TNRC6A: variants seen among roughly 807,000 people sequenced by gnomAD.
TNRC6A encodes trinucleotide repeat-containing gene 6A protein.
TNRC6A carries 44 observed loss-of-function variants against 221.2 expected under a neutral mutation model. The ratio of observed to expected loss-of-function variants is 0.20; its 90% CI spans 0.16 to 0.26. TNRC6A has a LOEUF of 0.26. Among genes scored for constraint, TNRC6A ranks in the 10% least tolerant of loss-of-function variants. The probability of loss-of-function intolerance (pLI) is 1.00; values close to 1 mark genes in which losing one functional copy is unlikely to be tolerated. For synonymous variants in TNRC6A, 847 were observed against 838.5 expected (o/e 1.01, Z -0.18); for missense variants, 2,199 against 2,404.4 (o/e 0.91, Z 1.79).
At chr16:24,658,308 C>A (rs1022476285) in intron 2 of TNRC6A, among the ~76,000 whole-genome samples, 1 of 152,126 alleles carries the variant, frequency 6.6e-6, no homozygotes, top group African/African-American at 2.4e-5. Flanking sequence ...AGGTACAAAG[C>A]CATTTCATTT....
intron 23 of TNRC6A, among the ~76,000 whole-genome samples, chr16:24,822,639 G>A (rs888813941): frequency 5.9e-5 from 9 of 152,144 alleles, no homozygotes; most frequent in Non-Finnish European, 4.4e-5. Flanking sequence ...AGCCACAGTG[G>A]GGATCTGGGG....
intron 21 of TNRC6A, chr16:24,819,724 AGTTGGGGC>A: frequency 4.7e-6 from 1 of 213,724 alleles, no homozygotes; most frequent in South Asian, 7.3e-5. Context: ...GCAGCTCCTG[AGTTGGGGC>A]TCTTTTGCAG....
chr16:24,775,580 A>T (rs2057702045), intron 4 of TNRC6A, among the ~76,000 whole-genome samples: 1 of 152,242 alleles, frequency 6.6e-6, no homozygotes, highest in African/African-American at 2.4e-5. Context: ...CAAGGCTTTA[A>T]TGACATTGTC....
chr16:24,741,489 G>T lies in TNRC6A; in HGVS notation c.54-9237G>T, dbSNP rs555353751. Among the ~76,000 whole-genome samples, 4 of 152,248 alleles carry T rather than the reference G, an allele frequency of 2.6e-5. No homozygotes were observed. In the South Asian group the frequency reaches 8.3e-4, roughly 32 times the overall value. ...ATCTGGGATAAATCCACTTTGTGTA[G>T]TCCTGTTTGTTGCTAGATTTGGTTT... On this transcript the variant is annotated intron_variant, in intron 2 of 24. Transcript: ENST00000395799.
At chr16:24,626,248 C>G (rs1567307326) in intron 1 of TNRC6A, among the ~76,000 whole-genome samples, 1 of 151,984 alleles carries the variant, frequency 6.6e-6, no homozygotes, top group Non-Finnish European at 1.5e-5. Flanking sequence ...TTCAGAATCG[C>G]AAATCTAGTG....
At chr16:24,710,980 A>T (rs1006729482) in intron 2 of TNRC6A, among the ~76,000 whole-genome samples, 16 of 151,520 alleles carry the variant, frequency 1.1e-4, no homozygotes, top group African/African-American at 3.9e-4. Context: ...GGTTCAAGGG[A>T]TTCTCCTGCC....
intron 2 of TNRC6A, among the ~76,000 whole-genome samples, chr16:24,735,292 GAA>G (rs990615634): frequency 6.6e-6 from 1 of 152,136 alleles, no homozygotes; most frequent in African/African-American, 2.4e-5. Context: ...AGAAAGAAAA[GAA>G]ATGACTAGGA....
chr16:24,760,048 A>G (rs182405438), intron 4 of TNRC6A, among the ~76,000 whole-genome samples: 38 of 152,188 alleles, frequency 2.5e-4, no homozygotes, highest in Non-Finnish European at 7.4e-5. Context: ...CAAGGCCCTC[A>G]TTAATCTAAC....
intron 2 of TNRC6A, among the ~76,000 whole-genome samples, chr16:24,734,538 C>T (rs1024372445): frequency 3.3e-5 from 5 of 152,192 alleles, no homozygotes; most frequent in African/African-American, 1.2e-4. Context: ...AGCCAGCATT[C>T]TGACTTCTTC....
rs200481091 is a variant in TNRC6A at position 24,789,757 on chromosome 16, T to C, written c.1115T>C (p.Val372Ala). Reference sequence around the variant, plus strand: ...GCTAGCAACCATGGTGCCTGGCCAGTATTAGAGAACAATGGACTTGCCCTA... The same window carrying C: ...GCTAGCAACCATGGTGCCTGGCCAGCATTAGAGAACAATGGACTTGCCCTA... ...NSASNHGAWPVLENNGLALKG... is the reference protein window; with the variant it reads ...NSASNHGAWPALENNGLALKG... Residue 372 changes from valine to alanine, a missense_variant, in exon 6 of 25, where the codon GTA becomes GCA. By Grantham distance (64) the Val-to-Ala change is moderately conservative (BLOSUM62 0). Transcript: ENST00000395799. The C allele has an allele frequency of 1.9e-4, 305 of 1,614,114 alleles. 1 individual carries two copies. The highest frequency in any genetic ancestry group is 3.3e-4 in the Middle Eastern group (2 of 6,082).
At chr16:24,703,384 CT>C (rs764026141) in intron 2 of TNRC6A, among the ~76,000 whole-genome samples, 3 of 152,178 alleles carry the variant, frequency 2.0e-5, no homozygotes, top group Middle Eastern at 3.4e-3. Context: ...TACTCAACTC[CT>C]TTTTATGCCA....
rs187623269 is a variant in TNRC6A at position 24,807,955 on chromosome 16, G to C, written c.4540+1171G>C. ...GCTGCCTCACTCTGTGACTGAACTG[G>C]TTTGGCTCAGCCTGGTATTACCACA... On this transcript the variant is annotated intron_variant, in intron 17 of 24. Coordinates refer to ENST00000395799, the MANE Select transcript of TNRC6A (RefSeq NM_014494.4). Among the ~76,000 whole-genome samples, 3 of 152,302 alleles carry C rather than the reference G, an allele frequency of 2.0e-5. No homozygotes were observed. In the East Asian group the frequency reaches 5.8e-4, roughly 29 times the overall value.
intron 2 of TNRC6A, among the ~76,000 whole-genome samples, chr16:24,680,414 C>G (rs1433006601): frequency 6.7e-6 from 1 of 149,408 alleles, no homozygotes; most frequent in African/African-American, 2.5e-5. Context: ...GAGTCAGACA[C>G]TGTCTCTTAA....
chr16:24,780,976 C>T (rs2057829406), intron 5 of TNRC6A, among the ~76,000 whole-genome samples: 2 of 151,286 alleles, frequency 1.3e-5, no homozygotes, highest in Non-Finnish European at 2.9e-5. Flanking sequence ...CTTGCACCTT[C>T]CCCTTGGACG....
At position 24,664,415 on chromosome 16, in the gene TNRC6A, T is replaced by G. The variant is rs1240166156; in HGVS notation, n.402+23406T>G. ...AATTCATATTATAAATTTATTAAAT[T>G]TATAAATTTAATAAATATGAATATA... On this transcript the variant is annotated intron_variant and non_coding_transcript_variant, in intron 2 of 2. Coordinates refer to the TNRC6A transcript ENST00000566108. Among the ~76,000 whole-genome samples, 7 of 145,678 alleles carry G rather than the reference T, an allele frequency of 4.8e-5. No individual in the cohort carries two copies. In the East Asian group the frequency reaches 7.8e-4, roughly 16 times the overall value.
chr16:24,621,647 C>T (rs902701001), intron 1 of TNRC6A, among the ~76,000 whole-genome samples: 1 of 151,932 alleles, frequency 6.6e-6, no homozygotes, highest in African/African-American at 2.4e-5. Flanking sequence ...TGTGAGCCAC[C>T]GTGCCTGGCC....
intron 5 of TNRC6A, among the ~76,000 whole-genome samples, chr16:24,785,153 T>G (rs1034096618): frequency 2.6e-5 from 4 of 152,246 alleles, no homozygotes; most frequent in Non-Finnish European, 4.4e-5. Flanking sequence ...TCAGTCAAAG[T>G]GCTCTCTGGC....
At chr16:24,776,631 TC>T (rs2057723474) in intron 4 of TNRC6A, 1 of 985,284 alleles carries the variant, frequency 1.0e-6, no homozygotes, top group Admixed American at 6.2e-5. Flanking sequence ...TTTGTAATGA[TC>T]CGATGATGAT....
At chr16:24,730,175 A>C (rs1596560600) in intron 1 of TNRC6A, 78 bp from the exon 2 acceptor site, 4 of 1,120,858 alleles carry the variant, frequency 3.6e-6, no homozygotes, top group East Asian at 1.4e-4. Flanking sequence ...CCTCTGCCGC[A>C]GCAGCTCCGT....
Sources: gnomAD v4.1 joint callset for allele counts (sites outside exome capture counted in the v4.1 genomes callset) on GRCh38, gnomAD v4.1.1 for gene constraint, MANE v1.5 for transcripts, NCBI Gene and HGNC (gene_info 2026-07-23, HGNC 2026-07-21) for gene names.